Variants in UGT1A6 observed in about 807,000 individuals in gnomAD.
The protein encoded by UGT1A6 is UDP glucuronosyltransferase family 1 member A6.
Under a neutral mutation model 44.4 loss-of-function variants are expected in UGT1A6, and 32 were observed. That is an observed-to-expected ratio of 0.72 (90% CI 0.54 to 0.97). The LOEUF (loss-of-function observed/expected upper bound fraction) is 0.97, where lower values mean the gene tolerates loss of function less well. UGT1A6 is among the 50% of genes least tolerant of loss of function. The pLI, the probability that UGT1A6 is intolerant of heterozygous loss-of-function variation, is 0.00. For missense variants in UGT1A6, 685 were observed against 661.9 expected, an observed-to-expected ratio of 1.03 and a Z score of -0.38; for synonymous variants, 238 against 248.5, an observed-to-expected ratio of 0.96 and a Z score of 0.40.
At position 233,701,798 on chromosome 2, in the gene UGT1A6, A is replaced by T. The variant is rs1186220226; in HGVS notation, c.861+7933A>T. Among the ~76,000 whole-genome samples, 3 of 152,228 alleles carry T rather than the reference A, an allele frequency of 2.0e-5. No homozygotes were observed. In the East Asian group the frequency reaches 5.8e-4, roughly 29 times the overall value. ...ATAAAGGTGTTCTTTGAAATCAACG[A>T]GAACAAAGACACAACATACCAGAAT... On this transcript the variant is annotated intron_variant, in intron 1 of 4. Transcript: ENST00000305139.
chr2:233,715,550 T>C (rs1275679420), intron 1 of UGT1A6, among the ~76,000 whole-genome samples: 5 of 152,112 alleles, frequency 3.3e-5, no homozygotes, highest in African/African-American at 7.2e-5. Flanking sequence ...GGGAGGAGGA[T>C]TGCTTGAGCC....
chr2:233,725,264 GGAGGCA>G lies in UGT1A6; in HGVS notation c.861+31447_861+31452del, dbSNP rs551912265. ...CAGAGGCAGAGGAGGCAGAGGCAGA[GGAGGCA>G]GAGGCAGAGGCAGAGGCAGAGGCAG... On this transcript the variant is annotated intron_variant, in intron 1 of 4. Transcript: ENST00000305139. Among the ~76,000 whole-genome samples, 500 of 58,540 alleles carry G rather than the reference GGAGGCA, an allele frequency of 8.5e-3. 122 individuals carry two copies. Among genetic ancestry groups the G allele is most frequent in the East Asian group, 0.035 (117 of 3,306 alleles). 38.4% of individuals were successfully genotyped at this position (58,540 alleles called of 152,430 possible). A position where few individuals can be genotyped will look rare whatever the true frequency, so the allele number is the denominator to read the frequency against.
intron 1 of UGT1A6, chr2:233,719,251 C>T: frequency 1.2e-6 from 2 of 1,614,174 alleles, no homozygotes; most frequent in Non-Finnish European, 1.7e-6. Context: ...CTGAATGCTA[C>T]TTCCTTTGAT....
At chr2:233,758,802 A>G (rs1160659282) in intron 1 of UGT1A6, among the ~76,000 whole-genome samples, 1 of 152,232 alleles carries the variant, frequency 6.6e-6, no homozygotes, top group Non-Finnish European at 1.5e-5. Flanking sequence ...TTGGAATTGT[A>G]TAGTACAGCA....
intron 1 of UGT1A6, chr2:233,713,523 T>C (rs2076327329): frequency 6.2e-7 from 1 of 1,613,946 alleles, no homozygotes. Flanking sequence ...GAACATTCCA[T>C]GTGATTTAGA....
chr2:233,724,866 G>A (rs1361964524), intron 1 of UGT1A6, among the ~76,000 whole-genome samples: 1 of 128,896 alleles, frequency 7.8e-6, no homozygotes, highest in Non-Finnish European at 1.6e-5. Flanking sequence ...GGTGTAGGTT[G>A]TAGTGAGCGG....
chr2:233,721,017 C>G (rs1165667415), intron 1 of UGT1A6, among the ~76,000 whole-genome samples: 1 of 151,958 alleles, frequency 6.6e-6, no homozygotes, highest in Non-Finnish European at 1.5e-5. Flanking sequence ...AGTGAGGGAG[C>G]CATCTTTCTT....
At chr2:233,691,789 A>G (rs1475336868), upstream of UGT1A6, 1 of 250,072 alleles carries the variant, frequency 4.0e-6, no homozygotes, top group African/African-American at 2.3e-5. Flanking sequence ...TACTGGCTAG[A>G]CTTATACTTC....
At chr2:233,712,295 G>A (rs1199448507) in intron 1 of UGT1A6, among the ~76,000 whole-genome samples, 2 of 152,246 alleles carry the variant, frequency 1.3e-5, no homozygotes, top group Non-Finnish European at 2.9e-5. Flanking sequence ...CTTCCATGGT[G>A]TAGATGGAGA....
At chr2:233,767,701 T>C in intron 2 of UGT1A6, 148 bp from the exon 3 acceptor site, 1 of 1,506,270 alleles carries the variant, frequency 6.6e-7, no homozygotes, top group Admixed American at 2.1e-5. Flanking sequence ...AAGTTGCCAG[T>C]CCTCAGAAGC....
intron 1 of UGT1A6, among the ~76,000 whole-genome samples, chr2:233,731,737 A>G (rs2078198933): frequency 6.6e-6 from 1 of 152,224 alleles, no homozygotes; most frequent in African/African-American, 2.4e-5. Context: ...TAGTGCCACA[A>G]TAAACATACG....
At chr2:233,739,657 C>G (rs772609637) in intron 1 of UGT1A6, among the ~76,000 whole-genome samples, 2 of 152,202 alleles carry the variant, frequency 1.3e-5, no homozygotes, top group Non-Finnish European at 2.9e-5. Flanking sequence ...TTCTGTACCC[C>G]CATTGTGTCT....
chr2:233,717,845 T>C, intron 1 of UGT1A6: 1 of 455,144 alleles, frequency 2.2e-6, no homozygotes, highest in Non-Finnish European at 4.4e-6. Context: ...ACCATTCTTA[T>C]CAGAACTTGG....
chr2:233,738,227 A>G (rs1250315362), intron 1 of UGT1A6, among the ~76,000 whole-genome samples: 1 of 151,870 alleles, frequency 6.6e-6, no homozygotes, highest in African/African-American at 2.4e-5. Context: ...AAGTTTCCTG[A>G]GGCCCCTCCA....
At chr2:233,761,135 A>G (rs755308142) in intron 1 of UGT1A6, 1 of 1,614,240 alleles carries the variant, frequency 6.2e-7, no homozygotes. Context: ...TGCCTTCACC[A>G]AAATCCACTA....
chr2:233,718,731 G>A lies in UGT1A6; in HGVS notation c.861+24866G>A, dbSNP rs1001779280. On this transcript the variant is annotated intron_variant, in intron 1 of 4. Transcript: ENST00000305139. ...CCAATTACATGCTGATTTGCTAGGT[G>A]GCTCAATGACAAGGTAATTAAGGCG... 17 of 1,611,218 alleles carry A rather than the reference G, an allele frequency of 1.1e-5. No homozygotes were observed. In the Admixed American group the frequency reaches 2.7e-4, roughly 25 times the overall value.
intron 1 of UGT1A6, among the ~76,000 whole-genome samples, chr2:233,708,220 T>C (rs1342660993): frequency 6.6e-6 from 1 of 152,252 alleles, no homozygotes; most frequent in Non-Finnish European, 1.5e-5. Context: ...AACAATTTAT[T>C]CTTCCCTTAG....
intron 1 of UGT1A6, among the ~76,000 whole-genome samples, chr2:233,757,667 T>C (rs1696692140): frequency 6.6e-6 from 1 of 151,042 alleles, no homozygotes; most frequent in South Asian, 2.1e-4. Context: ...ATTTTGGAAA[T>C]TCAAGGAATT....
At chr2:233,729,959 G>T (rs1416622482) in intron 1 of UGT1A6, 2 of 1,614,018 alleles carry the variant, frequency 1.2e-6, no homozygotes, top group South Asian at 2.2e-5. Context: ...TTCATTGGGG[G>T]CATCAACTGT....
Sources: allele counts gnomAD v4.1 joint callset (sites outside exome capture counted in the v4.1 genomes callset), GRCh38; gene constraint gnomAD v4.1.1; transcripts MANE v1.5; gene names NCBI Gene and HGNC (gene_info 2026-07-23, HGNC 2026-07-21).